VWA8: variants seen among roughly 807,000 people sequenced by gnomAD.
VWA8 encodes the protein von Willebrand factor A domain containing 8.
VWA8 carries 221 observed loss-of-function variants against 241.5 expected under a neutral mutation model. The ratio of observed to expected loss-of-function variants is 0.91; its 90% CI spans 0.82 to 1.02. VWA8 has a LOEUF of 1.02. Among genes scored for constraint, VWA8 ranks in the 50% least tolerant of loss-of-function variants. The pLI is 0.00. For synonymous variants in VWA8, 852 were observed against 827.1 expected (o/e 1.03, Z -0.52); for missense variants, 2,322 against 2,328.7 (o/e 1.00, Z 0.06).
chr13:41,690,122 G>A (rs773713881), intron 33 of VWA8, 44 bp downstream of exon 33: 8 of 1,529,946 alleles, frequency 5.2e-6, no homozygotes, highest in Admixed American at 1.7e-5. Flanking sequence ...ATATGTACAA[G>A]CATGCACTCA....
At position 41,587,652 on chromosome 13, in the gene VWA8, T is replaced by C; in HGVS notation, c.5131A>G (p.Lys1711Glu). Residue 1711 changes from lysine (K) to glutamate (E), a missense_variant, in exon 42 of 45, where the codon AAA becomes GAA. Transcript: ENST00000379310. ...LEPQLGSPQQKPKRLRLVVDV... is the reference protein window; with the variant it reads ...LEPQLGSPQQEPKRLRLVVDV... ...ACCACCAGGCGCAGACGCTTGGGTT[T>C]CTGTTGTGGGCTGCCAAGCTGAGGG... is the stretch of plus-strand genomic sequence containing the variant. The C allele has an allele frequency of 6.2e-7, 1 of 1,614,170 alleles. No homozygotes were observed. Among genetic ancestry groups the C allele is most frequent in the Non-Finnish European group, 8.5e-7 (1 of 1,180,014 alleles).
chr13:41,624,253 A>C (rs1423176442), intron 37 of VWA8, among the ~76,000 whole-genome samples: 1 of 152,228 alleles, frequency 6.6e-6, no homozygotes, highest in East Asian at 1.9e-4. Flanking sequence ...TGTAAAGAAG[A>C]GCTGGAACTA....
At chr13:41,835,362 T>C (rs906794781) in intron 12 of VWA8, among the ~76,000 whole-genome samples, 1 of 152,226 alleles carries the variant, frequency 6.6e-6, no homozygotes, top group Non-Finnish European at 1.5e-5. Flanking sequence ...TCCCATAAAC[T>C]TAAAAGGCTG....
chr13:41,772,913 T>G (rs370432449), intron 20 of VWA8, among the ~76,000 whole-genome samples: 15 of 152,326 alleles, frequency 9.8e-5, no homozygotes, highest in South Asian at 6.2e-4. Context: ...CAGCACCCAT[T>G]TTCTTTAATT....
intron 23 of VWA8, among the ~76,000 whole-genome samples, chr13:41,728,692 G>A (rs934701670): frequency 1.3e-5 from 2 of 151,654 alleles, no homozygotes; most frequent in African/African-American, 4.8e-5. Context: ...TTGTGAAACT[G>A]AAATATTAGA....
intron 37 of VWA8, among the ~76,000 whole-genome samples, chr13:41,622,538 T>C (rs1459318925): frequency 2.0e-5 from 3 of 152,228 alleles, no homozygotes; most frequent in Non-Finnish European, 4.4e-5. Flanking sequence ...CTTATAACTT[T>C]TGATGCAACC....
At chr13:41,818,262 C>T (rs756839198) in intron 15 of VWA8, among the ~76,000 whole-genome samples, 7 of 149,586 alleles carry the variant, frequency 4.7e-5, no homozygotes, top group Non-Finnish European at 7.4e-5. Flanking sequence ...CGCACCTGGC[C>T]GAATTTTTAA....
intron 40 of VWA8, among the ~76,000 whole-genome samples, chr13:41,595,314 G>A (rs2044481046): frequency 6.6e-6 from 1 of 152,028 alleles, no homozygotes; most frequent in Non-Finnish European, 1.5e-5. Flanking sequence ...AAAAGGACTT[G>A]GTAAAATTTG....
chr13:41,730,569 A>G (rs2045474427), intron 22 of VWA8, among the ~76,000 whole-genome samples: 1 of 152,200 alleles, frequency 6.6e-6, no homozygotes. Context: ...GCAACTGCTT[A>G]GGTGGGAAGA....
At chr13:41,778,139 A>T in intron 19 of VWA8, 83 bp from the exon 20 acceptor site, 3 of 869,262 alleles carry the variant, frequency 3.5e-6, no homozygotes, top group Non-Finnish European at 3.3e-6. Context: ...ATCTTTATAG[A>T]ATATAAATAT....
intron 37 of VWA8, among the ~76,000 whole-genome samples, chr13:41,659,589 G>A (rs1365731836): frequency 6.6e-6 from 1 of 152,098 alleles, no homozygotes; most frequent in Non-Finnish European, 1.5e-5. Flanking sequence ...CAGGGTGTTA[G>A]TCTTTCTTGT....
chr13:41,611,422 G>A (rs771014847), intron 39 of VWA8, among the ~76,000 whole-genome samples, 154 bp downstream of exon 39: 18 of 152,202 alleles, frequency 1.2e-4, no homozygotes, highest in Non-Finnish European at 2.1e-4. Context: ...GGCTGTTTCC[G>A]TTAGGGACGG....
At chr13:41,623,951 G>A (rs541856861) in intron 37 of VWA8, among the ~76,000 whole-genome samples, 66 of 152,064 alleles carry the variant, frequency 4.3e-4, no homozygotes, top group African/African-American at 1.6e-3. Flanking sequence ...TAAGAGAGAA[G>A]ATCCAAATAA....
At chr13:41,709,906 T>G (rs2045305742) in intron 26 of VWA8, among the ~76,000 whole-genome samples, 1 of 152,004 alleles carries the variant, frequency 6.6e-6, no homozygotes, top group Non-Finnish European at 1.5e-5. Context: ...CTCAGCCTCC[T>G]GAGTAGCTGG....
chr13:41,889,828 T>C (rs1394908384), intron 5 of VWA8, among the ~76,000 whole-genome samples: 1 of 152,240 alleles, frequency 6.6e-6, no homozygotes, highest in African/African-American at 2.4e-5. Context: ...ATATTCTGAG[T>C]ATTTTTTTTC....
At chr13:41,672,083 T>G (rs1271593056) in intron 36 of VWA8, among the ~76,000 whole-genome samples, 1 of 152,174 alleles carries the variant, frequency 6.6e-6, no homozygotes, top group South Asian at 2.1e-4. Context: ...TACCAGTTCA[T>G]ACCTCACACG....
chr13:41,622,022 C>T (rs2044660124), intron 37 of VWA8, among the ~76,000 whole-genome samples: 1 of 152,126 alleles, frequency 6.6e-6, no homozygotes, highest in South Asian at 2.1e-4. Context: ...TGTTATGTTC[C>T]AGGGACAATT....
intron 37 of VWA8, among the ~76,000 whole-genome samples, chr13:41,617,726 G>A (rs1043333031): frequency 6.6e-6 from 1 of 152,064 alleles, no homozygotes; most frequent in African/African-American, 2.4e-5. Context: ...ACCTATGAGT[G>A]AGAACATGCA....
Position 41,931,301 on chromosome 13 carries a change from AAAAC to A in VWA8, c.241+18631_241+18634del, listed in dbSNP as rs1189661599. ...GGTTAAAAAAAAAAAAAAAAAAAAA[AAAAC>A]CCCTACATGAGCTCACTTATATGTG... On this transcript the variant is annotated intron_variant, in intron 2 of 44. Coordinates refer to ENST00000379310, the MANE Select transcript of VWA8 (RefSeq NM_015058.2). Among the ~76,000 whole-genome samples the A allele has an allele frequency of 5.1e-3, 673 of 132,468 alleles. 1 individual carries two copies. The highest frequency in any genetic ancestry group is 8.1e-3 in the Non-Finnish European group (483 of 59,858). The allele number at this position is 132,468 out of a possible 152,430, so 86.9% of individuals were successfully genotyped here.
Sources: gnomAD v4.1 joint callset for allele counts (sites outside exome capture counted in the v4.1 genomes callset) on GRCh38, gnomAD v4.1.1 for gene constraint, MANE v1.5 for transcripts, NCBI Gene and HGNC (gene_info 2026-07-23, HGNC 2026-07-21) for gene names.